NOS1AP: variants seen among roughly 807,000 people sequenced by gnomAD.
NOS1AP encodes the protein carboxyl-terminal PDZ ligand of neuronal nitric oxide synthase protein.
A neutral mutation model predicts 56.2 loss-of-function variants in NOS1AP; 21 were observed. That is an observed-to-expected ratio of 0.37 (90% CI 0.26 to 0.54). The LOEUF (loss-of-function observed/expected upper bound fraction) is 0.54. Ranked by LOEUF, NOS1AP falls within the 20% of genes least tolerant of loss-of-function variation. The pLI is 0.84. For missense variants in NOS1AP, 522 were observed against 657.8 expected (o/e 0.79, Z 2.26); for synonymous variants, 270 against 274.6 (o/e 0.98, Z 0.17).
intron 4 of NOS1AP, among the ~76,000 whole-genome samples, chr1:162,312,211 T>C (rs1319266685): frequency 5.7e-4 from 82 of 142,800 alleles, no homozygotes; most frequent in African/African-American, 1.9e-3. Context: ...AGTGTAAAAG[T>C]GTTCCTATTT....
intron 2 of NOS1AP, among the ~76,000 whole-genome samples, chr1:162,222,772 A>C (rs1332648157): frequency 5.9e-5 from 9 of 152,196 alleles, no homozygotes; most frequent in Admixed American, 5.9e-4. Context: ...TTTTTGCATA[A>C]TTCTGAAAAG....
chr1:162,136,706 A>G (rs1253739491), intron 1 of NOS1AP, among the ~76,000 whole-genome samples: 1 of 152,180 alleles, frequency 6.6e-6, no homozygotes, highest in Non-Finnish European at 1.5e-5. Flanking sequence ...GATTTGCCAA[A>G]GTTTAGAGAC....
At chr1:162,239,609 G>A (rs1441991119) in intron 2 of NOS1AP, among the ~76,000 whole-genome samples, 1 of 152,110 alleles carries the variant, frequency 6.6e-6, no homozygotes, top group African/African-American at 2.4e-5. Flanking sequence ...GCCAAGTGCT[G>A]GGCTGTGAGT....
chr1:162,346,788 T>G (rs1657309034), intron 6 of NOS1AP, among the ~76,000 whole-genome samples: 1 of 152,252 alleles, frequency 6.6e-6, no homozygotes, highest in Admixed American at 6.5e-5. Flanking sequence ...TTTACTTCTC[T>G]TTTGGCTTAC....
intron 4 of NOS1AP, among the ~76,000 whole-genome samples, chr1:162,305,978 A>C (rs1483180205): frequency 1.3e-5 from 2 of 152,210 alleles, no homozygotes; most frequent in Non-Finnish European, 2.9e-5. Context: ...CAGTTTTTGA[A>C]TCCTTGTGAA....
chr1:162,323,410 T>G (rs750805404), intron 4 of NOS1AP, among the ~76,000 whole-genome samples: 11 of 152,260 alleles, frequency 7.2e-5, no homozygotes, highest in Non-Finnish European at 1.6e-4. Context: ...TTGTAATAAT[T>G]GTTACAGCAG....
At chr1:162,144,577 CTT>C (rs1407420954) in intron 1 of NOS1AP, among the ~76,000 whole-genome samples, 1 of 151,950 alleles carries the variant, frequency 6.6e-6, no homozygotes, top group Non-Finnish European at 1.5e-5. Flanking sequence ...ACTTTCTTTT[CTT>C]TTCTTTTCTT....
chr1:162,342,692 C>T (rs1657147830), intron 5 of NOS1AP: 1 of 406,988 alleles, frequency 2.5e-6, no homozygotes, highest in Admixed American at 3.1e-5. Flanking sequence ...AATGTAATAC[C>T]AGCTACCTCA....
chr1:162,369,843 C>A lies in NOS1AP; in HGVS notation c.*2376C>A, dbSNP rs1181145281. 1 of 152,248 alleles carries A rather than the reference C, an allele frequency of 6.6e-6. No homozygotes were observed. The highest frequency in any genetic ancestry group is 2.4e-5 in the African/African-American group (1 of 41,418). 9.4% of individuals were successfully genotyped at this position (152,248 alleles called of 1,614,324 possible). A position where few individuals can be genotyped will look rare whatever the true frequency, so the allele number is the denominator to read the frequency against. ...ATACTTGGTGTGTGGAGATGGGAGACAAAGGACAGATCTAGGAGCCTTGAA... is the reference window on the plus strand; with the variant it reads ...ATACTTGGTGTGTGGAGATGGGAGAAAAAGGACAGATCTAGGAGCCTTGAA... On this transcript the variant is annotated 3_prime_UTR_variant, in exon 10 of 10. Coordinates refer to ENST00000361897, the MANE Select transcript of NOS1AP (RefSeq NM_014697.3).
At chr1:162,225,192 G>A (rs1383871018) in intron 2 of NOS1AP, among the ~76,000 whole-genome samples, 21 of 152,180 alleles carry the variant, frequency 1.4e-4, no homozygotes, top group Admixed American at 1.4e-3. Context: ...GGGTTATGAG[G>A]TCACTCTCCT....
chr1:162,222,112 C>T (rs1652803418), intron 2 of NOS1AP, among the ~76,000 whole-genome samples: 1 of 152,122 alleles, frequency 6.6e-6, no homozygotes, highest in South Asian at 2.1e-4. Context: ...TTATTCCTAG[C>T]TGTGGAATAG....
At chr1:162,325,234 A>C (rs1157412776) in intron 4 of NOS1AP, among the ~76,000 whole-genome samples, 3 of 152,210 alleles carry the variant, frequency 2.0e-5, no homozygotes, top group African/African-American at 7.2e-5. Flanking sequence ...AGCAGTCATA[A>C]GAGAGAACAG....
At chr1:162,126,776 T>A (rs1052746004) in intron 1 of NOS1AP, among the ~76,000 whole-genome samples, 2 of 152,200 alleles carry the variant, frequency 1.3e-5, no homozygotes, top group Admixed American at 6.5e-5. Flanking sequence ...ATAAATAATT[T>A]AATAATTTTC....
At chr1:162,297,007 T>A (rs1041594142) in intron 3 of NOS1AP, among the ~76,000 whole-genome samples, 3 of 152,218 alleles carry the variant, frequency 2.0e-5, no homozygotes, top group Non-Finnish European at 4.4e-5. Flanking sequence ...GCTCAATGAT[T>A]GGGTGATTTA....
intron 2 of NOS1AP, among the ~76,000 whole-genome samples, chr1:162,212,768 C>G (rs4390153): frequency 0.86 from 131,014 of 152,042 alleles, 56,690 homozygotes; most frequent in Non-Finnish European, 0.9. Context: ...TGTGGAGAGT[C>G]TCCTACCTCT....
intron 4 of NOS1AP, among the ~76,000 whole-genome samples, chr1:162,314,729 A>C (rs1454994698): frequency 1.3e-5 from 2 of 152,198 alleles, no homozygotes; most frequent in African/African-American, 4.8e-5. Flanking sequence ...ATAGGAAAAA[A>C]ATCATTCTTG....
At chr1:162,298,242 A>T (rs1170787093) in intron 3 of NOS1AP, among the ~76,000 whole-genome samples, 6 of 152,208 alleles carry the variant, frequency 3.9e-5, no homozygotes, top group African/African-American at 1.4e-4. Context: ...TGCCAGGCTC[A>T]TCTTCCCTGC....
rs539730102 is a variant in NOS1AP at position 162,133,381 on chromosome 1, C to T, written c.106-21024C>T. ...GCCTAGGACCAATTATTGTAGATAT[C>T]ATACCCGTCTTGGTTACCATTGTGC... On this transcript the variant is annotated intron_variant, in intron 1 of 9. Coordinates refer to ENST00000361897, the MANE Select transcript of NOS1AP (RefSeq NM_014697.3). Among the ~76,000 whole-genome samples the T allele has an allele frequency of 2.0e-5, 3 of 152,316 alleles. No individual in the cohort carries two copies. The East Asian group carries it at 5.8e-4, about 29-fold the overall frequency.
At chr1:162,325,244 G>A (rs1656547874) in intron 4 of NOS1AP, among the ~76,000 whole-genome samples, 1 of 152,138 alleles carries the variant, frequency 6.6e-6, no homozygotes. Flanking sequence ...AGAGAGAACA[G>A]TGATCAAGAT....
Sources: gnomAD v4.1 joint callset for allele counts (sites outside exome capture counted in the v4.1 genomes callset) on GRCh38, gnomAD v4.1.1 for gene constraint, MANE v1.5 for transcripts, NCBI Gene and HGNC (gene_info 2026-07-23, HGNC 2026-07-21) for gene names.